HCN4: variants seen among roughly 807,000 people sequenced by gnomAD.
HCN4 encodes the protein hyperpolarization activated cyclic nucleotide gated potassium channel 4.
HCN4 carries 29 observed loss-of-function variants against 76.9 expected under a neutral mutation model. That is an observed-to-expected ratio of 0.38 (90% CI 0.28 to 0.51). The LOEUF (loss-of-function observed/expected upper bound fraction) is 0.51, where lower values mean the gene tolerates loss of function less well. Ranked by LOEUF, HCN4 falls within the 20% of genes least tolerant of loss-of-function variation. The pLI is 0.90. For missense variants in HCN4, 1,416 were observed against 1,715.2 expected (o/e 0.83, Z 3.08); for synonymous variants, 772 against 762.5 (o/e 1.01, Z -0.21).
intron 2 of HCN4, among the ~76,000 whole-genome samples, chr15:73,340,782 T>C (rs1595827771): frequency 6.6e-6 from 1 of 152,176 alleles, no homozygotes; most frequent in Non-Finnish European, 1.5e-5. Context: ...GGCAAGCACT[T>C]GCTGGACTGA....
intron 1 of HCN4, among the ~76,000 whole-genome samples, chr15:73,354,773 C>A (rs1306848065): frequency 6.6e-6 from 1 of 151,806 alleles, no homozygotes; most frequent in African/African-American, 2.4e-5. Context: ...CCATCATCAT[C>A]ATCCCCATCA....
intron 2 of HCN4, among the ~76,000 whole-genome samples, chr15:73,333,364 C>T (rs1005304182): frequency 6.6e-6 from 1 of 152,198 alleles, no homozygotes; most frequent in African/African-American, 2.4e-5. Context: ...ATACTATTCC[C>T]AGGCAAAGAC....
At chr15:73,352,366 G>C (rs1446393481) in intron 1 of HCN4, among the ~76,000 whole-genome samples, 4 of 152,188 alleles carry the variant, frequency 2.6e-5, no homozygotes, top group African/African-American at 4.8e-5. Flanking sequence ...CCGACAATCA[G>C]GGAAGAACTT....
Position 73,343,248 on chromosome 15 carries a change from A to C in HCN4, c.1209+137T>G. 1.3e-6 allele frequency: 1 copy of C among 774,332 alleles called. No homozygotes were observed. Among genetic ancestry groups the C allele is most frequent in the Non-Finnish European group, 2.2e-6 (1 of 455,872 alleles). 48.0% of individuals were successfully genotyped at this position (774,332 alleles called of 1,614,324 possible). ...CATGATAAGAGGTCAAGAACTTACT[A>C]GTATTTGTCCTCTTGGAGCAGGTGT... On this transcript the variant is annotated intron_variant, in intron 2 of 7. Coordinates refer to ENST00000261917, the MANE Select transcript of HCN4 (RefSeq NM_005477.3). This position sits in a 1 kb window ranked among gnomAD's most constrained non-coding sequence, Gnocchi z 5.7.
chr15:73,330,920 G>A (rs1479887735), intron 3 of HCN4, among the ~76,000 whole-genome samples: 1 of 152,222 alleles, frequency 6.6e-6, no homozygotes, highest in Non-Finnish European at 1.5e-5. Context: ...TCTGGGAACA[G>A]GGAATTCAAT....
chr15:73,367,937 C>A lies in HCN4; in HGVS notation c.334G>T (p.Gly112Cys). 1 of 1,355,992 alleles carries A rather than the reference C, an allele frequency of 7.4e-7. No homozygotes were observed. The highest frequency in any genetic ancestry group is 9.4e-7 in the Non-Finnish European group (1 of 1,058,420). 84.0% of individuals were successfully genotyped at this position (1,355,992 alleles called of 1,614,324 possible). ...CCGTGACTGCTGCCGCTCCCCGTGC[C>A]GCCGCTGCCGCCGCCCCGGCTGCCC... ...SLGSRGGGSG[G>C]TGSGSSHGHL... The change falls in exon 1 of 8, where the codon GGC becomes TGC. Residue 112 changes from glycine to cysteine, a missense_variant. Physicochemically the swap from Gly to Cys is radical, Grantham distance 159. Transcript: ENST00000261917. The surrounding 1 kb of genome is among the most constrained non-coding windows in gnomAD (Gnocchi z 7.5).
rs762464413 is a variant in HCN4 at position 73,323,296 on chromosome 15, C to A, written c.2797G>T (p.Ala933Ser). The stretch of plus-strand genomic sequence containing the variant: ...GGCTGGGCAGCCTGCGGGGAGCGGG[C>A]GCCTGGCTGCAGCGGGGTGAGCAGG... ...SPLLTPLQPG[A>S]RSPQAAQPSP... is the part of the protein sequence containing the mutation. The change falls in exon 8 of 8, where the codon GCC (alanine) becomes TCC (serine). Residue 933 changes from alanine (A) to serine (S), a missense_variant. Physicochemically the swap from Ala to Ser is moderately conservative, Grantham distance 99. This residue lies in a region of HCN4 where 633 missense variants were observed against 579.8 expected (regional missense o/e 1.09). Transcript: ENST00000261917. 1.3e-6 allele frequency: 2 copies of A among 1,539,742 alleles called. No homozygotes were observed. The highest frequency in any genetic ancestry group is 2.4e-5 in the East Asian group (1 of 42,302).
intron 2 of HCN4, among the ~76,000 whole-genome samples, chr15:73,340,834 G>A (rs1325337736): frequency 6.6e-6 from 1 of 152,260 alleles, no homozygotes; most frequent in Non-Finnish European, 1.5e-5. Flanking sequence ...GCCATGAAAG[G>A]AAACAATCGT....
chr15:73,359,583 G>A (rs1390431891), intron 1 of HCN4, among the ~76,000 whole-genome samples: 3 of 152,036 alleles, frequency 2.0e-5, no homozygotes, highest in Non-Finnish European at 4.4e-5. Context: ...TGGCTCAAAG[G>A]CTTTGCACAA....
In HCN4 at chr15:73,323,716, T is replaced by C; in HGVS notation, c.2377A>G (p.Ile793Val). The C allele has an allele frequency of 1.9e-6, 3 of 1,600,914 alleles. No individual in the cohort carries two copies. The highest frequency in any genetic ancestry group is 2.6e-6 in the Non-Finnish European group (3 of 1,173,752). The change falls in exon 8 of 8, where the codon ATA (isoleucine) becomes GTA (valine). Residue 793 changes from isoleucine to valine, a missense_variant. Ile to Val is a conservative substitution (Grantham distance 29). Coordinates refer to ENST00000261917, the MANE Select transcript of HCN4 (RefSeq NM_005477.3). ...AGGCGAGGGTGGTGGGTGAGGGCTA[T>C]GGCCACAGAAGTGGTGGCAGCGGCA... ...QAAAATTSVA[I>V]ALTHHPRLPA...
intron 1 of HCN4, among the ~76,000 whole-genome samples, chr15:73,361,911 G>A (rs1286135987): frequency 2.6e-5 from 4 of 152,338 alleles, no homozygotes; most frequent in Non-Finnish European, 5.9e-5. Context: ...AGTCACCTCT[G>A]CGCTCATACC....
intron 4 of HCN4, among the ~76,000 whole-genome samples, chr15:73,326,754 C>G (rs1194270064): frequency 6.6e-6 from 1 of 151,618 alleles, no homozygotes; most frequent in Non-Finnish European, 1.5e-5. Flanking sequence ...GATGCATTTT[C>G]TTTTCTTTTT....
chr15:73,324,005 G>A, intron 7 of HCN4, 56 bp from the exon 8 acceptor site: 1 of 1,611,814 alleles, frequency 6.2e-7, no homozygotes, highest in Non-Finnish European at 8.5e-7. Context: ...GAGATCAGGT[G>A]CAGACCTGGC....
chr15:73,331,363 C>A (rs1220760135), intron 3 of HCN4, among the ~76,000 whole-genome samples: 1 of 152,244 alleles, frequency 6.6e-6, no homozygotes, highest in African/African-American at 2.4e-5. Flanking sequence ...GGGGGCAGCC[C>A]AGCTCTGCTG....
rs772491303 is a variant in HCN4, at chr15:73,322,645, C to T, written c.3448G>A (p.Val1150Ile). 1.6e-5 allele frequency: 25 copies of T among 1,610,184 alleles called. No individual in the cohort carries two copies. Among genetic ancestry groups the T allele is most frequent in the Middle Eastern group, 1.7e-4 (1 of 6,060 alleles). Reference protein sequence around the residue: ...RPYGAIPGQHVTLPRKTSSGS... With the variant: ...RPYGAIPGQHITLPRKTSSGS... The stretch of plus-strand genomic sequence containing the variant: ...GAGGATGTCTTCCGAGGCAGAGTGA[C>T]GTGCTGGCCGGGGATGGCACCATAG... Residue 1150 changes from valine to isoleucine, a missense_variant, in exon 8 of 8, where the codon GTC becomes ATC. Coordinates refer to ENST00000261917, the MANE Select transcript of HCN4 (RefSeq NM_005477.3).
chr15:73,329,931 T>TTTCAGCCAACA, intron 3 of HCN4, 140 bp from the exon 4 acceptor site: 2 of 695,476 alleles, frequency 2.9e-6, no homozygotes, highest in Non-Finnish European at 4.9e-6. Context: ...TGCTGTTGGC[T>TTTCAGCCAACA]GAAAGCCTTG....
chr15:73,367,431 A>G lies in HCN4; in HGVS notation c.785+55T>C. On this transcript the variant is annotated intron_variant, in intron 1 of 7. Transcript: ENST00000261917. This position sits in a 1 kb window ranked among gnomAD's most constrained non-coding sequence, Gnocchi z 7.5. ...CCGGCTGGGAGGCAGGGTCAGGAGG[A>G]GGCATGCCTGCCACCGCGCAGGGCA... 6.2e-7 allele frequency: 1 copy of G among 1,610,080 alleles called. No homozygotes were observed. The highest frequency in any genetic ancestry group is 8.5e-7 in the Non-Finnish European group (1 of 1,179,064).
chr15:73,350,079 C>T lies in HCN4; in HGVS notation c.786-6271G>A, dbSNP rs528634278. 2.0e-5 allele frequency among the ~76,000 whole-genome samples: 3 copies of T among 152,324 alleles called. No individual in the cohort carries two copies. In the South Asian group the frequency reaches 6.2e-4, roughly 32 times the overall value. On this transcript the variant is annotated intron_variant, in intron 1 of 7. Transcript: ENST00000261917. ...GCATCTCTGCAGTCCTCTTGTACAC[C>T]CTGCCCTTCTTTCCTGCCGGCTCTT...
At chr15:73,333,440 G>A (rs1445457296) in intron 2 of HCN4, among the ~76,000 whole-genome samples, 1 of 152,162 alleles carries the variant, frequency 6.6e-6, no homozygotes, top group African/African-American at 2.4e-5. Flanking sequence ...TTTCAGATGT[G>A]GAAACTAGGC....
Sources: allele counts gnomAD v4.1 joint callset (sites outside exome capture counted in the v4.1 genomes callset), GRCh38; gene constraint gnomAD v4.1.1; regional missense constraint gnomAD v4.1.1; non-coding constraint Gnocchi (gnomAD v3.1); transcripts MANE v1.5; gene names NCBI Gene and HGNC (gene_info 2026-07-23, HGNC 2026-07-21).